The following OPCML variants were observed in gnomAD, a reference collection of about 807,000 sequenced individuals.
The protein encoded by OPCML is opioid-binding protein/cell adhesion molecule.
In OPCML, 13 loss-of-function variants were observed where a neutral mutation model predicts 37.8. The ratio of observed to expected loss-of-function variants is 0.34; its 90% CI spans 0.22 to 0.55. OPCML has a LOEUF of 0.55. Ranked by LOEUF, OPCML falls within the 20% of genes least tolerant of loss-of-function variation. OPCML has a pLI of 0.91. For synonymous variants in OPCML, 176 were observed against 168.8 expected (o/e 1.04, Z -0.33); for missense variants, 341 against 435.6 (o/e 0.78, Z 1.93).
chr11:133,246,308 G>A (rs909145392), intron 1 of OPCML, among the ~76,000 whole-genome samples: 6 of 152,170 alleles, frequency 3.9e-5, no homozygotes, highest in African/African-American at 1.4e-4. Flanking sequence ...CAGTGGAGAG[G>A]TAGAGAAACA....
chr11:133,424,660 C>A (rs944263046), intron 1 of OPCML, among the ~76,000 whole-genome samples: 1 of 152,088 alleles, frequency 6.6e-6, no homozygotes, highest in Non-Finnish European at 1.5e-5. Flanking sequence ...TCTAAAAATG[C>A]CGTGATAAAC....
At chr11:132,561,517 TCAGGGCCTGGTC>T (rs2096410748) in intron 3 of OPCML, among the ~76,000 whole-genome samples, 1 of 152,202 alleles carries the variant, frequency 6.6e-6, no homozygotes. Flanking sequence ...TGTGGTCTTT[TCAGGGCCTGGTC>T]CAGGGCCTGG....
At chr11:132,907,398 C>A (rs763519089) in intron 2 of OPCML, among the ~76,000 whole-genome samples, 1 of 151,996 alleles carries the variant, frequency 6.6e-6, no homozygotes, top group African/African-American at 2.4e-5. Flanking sequence ...TTTGGGAGGC[C>A]GAAGCTGGTG....
At chr11:133,014,092 G>A (rs1251456481) in intron 1 of OPCML, among the ~76,000 whole-genome samples, 1 of 152,206 alleles carries the variant, frequency 6.6e-6, no homozygotes, top group Admixed American at 6.5e-5. Flanking sequence ...GACTCCACAT[G>A]AACAAGCTTT....
intron 1 of OPCML, among the ~76,000 whole-genome samples, chr11:133,210,504 A>C (rs1939308784): frequency 6.6e-6 from 1 of 151,992 alleles, no homozygotes; most frequent in Non-Finnish European, 1.5e-5. Context: ...TGTTACAAAA[A>C]CTTATATGTA....
At chr11:133,460,716 A>G (rs1399467281) in intron 1 of OPCML, among the ~76,000 whole-genome samples, 1 of 151,930 alleles carries the variant, frequency 6.6e-6, no homozygotes, top group Non-Finnish European at 1.5e-5. Context: ...CACGACAAAT[A>G]AAAAACTAGG....
chr11:132,890,369 A>C (rs770587876), intron 2 of OPCML, among the ~76,000 whole-genome samples: 10 of 152,322 alleles, frequency 6.6e-5, no homozygotes, highest in Admixed American at 6.5e-4. Flanking sequence ...CTTTAATTTT[A>C]CTTCAACAAG....
At chr11:132,670,875 A>G (rs932684710) in intron 2 of OPCML, among the ~76,000 whole-genome samples, 23 of 149,624 alleles carry the variant, frequency 1.5e-4, no homozygotes, top group African/African-American at 5.7e-4. Context: ...CCTAGTGTTC[A>G]TCTCTCCATC....
At chr11:133,270,380 A>T (rs562977731) in intron 1 of OPCML, among the ~76,000 whole-genome samples, 1 of 152,084 alleles carries the variant, frequency 6.6e-6, no homozygotes, top group Admixed American at 6.6e-5. Context: ...AAAAAAAACC[A>T]TCTCTTTGTT....
intron 2 of OPCML, among the ~76,000 whole-genome samples, chr11:132,747,698 C>A (rs1945681508): frequency 6.6e-6 from 1 of 152,150 alleles, no homozygotes; most frequent in Non-Finnish European, 1.5e-5. Flanking sequence ...GAAGACGGAA[C>A]TCAGAAGGGA....
rs184612798 is a variant in OPCML, at chr11:132,974,919, G to A, written c.62-31909C>T. On this transcript the variant is annotated intron_variant, in intron 1 of 7. Transcript: ENST00000524381. ...TCAAGGCTCTGTTTAAGGCCCTCTC[G>A]TCTGTTTACTCTATACTTTCTCCAG... Among the ~76,000 whole-genome samples the A allele has an allele frequency of 1.0e-2, 1,508 of 151,368 alleles. 18 individuals are homozygous for A. Among genetic ancestry groups the A allele is most frequent in the Non-Finnish European group, 0.018 (1,225 of 67,884 alleles).
At chr11:132,804,411 G>A (rs1938873385) in intron 2 of OPCML, among the ~76,000 whole-genome samples, 2 of 152,178 alleles carry the variant, frequency 1.3e-5, no homozygotes, top group Admixed American at 1.3e-4. Context: ...AAGATGCTCT[G>A]GGAGGCCCCT....
chr11:133,508,328 C>T (rs1311123090), intron 1 of OPCML, among the ~76,000 whole-genome samples: 1 of 152,232 alleles, frequency 6.6e-6, no homozygotes, highest in African/African-American at 2.4e-5. Flanking sequence ...TTCCATACTG[C>T]TGGTCTAGGA....
rs1376343753 is a variant in OPCML, at chr11:132,687,413, T to C, written c.147-30094A>G. ...ATATATATATATATATATATATATA[T>C]ATATATATATATATATTTAATCTGT... On this transcript the variant is annotated intron_variant, in intron 2 of 7. Coordinates refer to ENST00000524381, the MANE Select transcript of OPCML (RefSeq NM_001012393.5). Among the ~76,000 whole-genome samples the C allele has an allele frequency of 2.6e-3, 243 of 93,144 alleles. 7 individuals are homozygous for C. The highest frequency in any genetic ancestry group is 0.013 in the African/African-American group (221 of 17,236). The allele number at this position is 93,144 out of a possible 152,430, so 61.1% of individuals were successfully genotyped here.
intron 1 of OPCML, among the ~76,000 whole-genome samples, chr11:133,429,607 A>T (rs1255638383): frequency 1.3e-5 from 2 of 152,192 alleles, no homozygotes; most frequent in Non-Finnish European, 2.9e-5. Flanking sequence ...AGCAGTGCAG[A>T]TGGTATGGAA....
At chr11:133,099,380 A>G (rs1949052371) in intron 1 of OPCML, among the ~76,000 whole-genome samples, 3 of 151,342 alleles carry the variant, frequency 2.0e-5, no homozygotes, top group Non-Finnish European at 2.9e-5. Context: ...CTCCTGCCTC[A>G]GCCTCCTGAG....
intron 2 of OPCML, among the ~76,000 whole-genome samples, chr11:132,787,877 T>C (rs1947272664): frequency 2.0e-5 from 3 of 152,190 alleles, no homozygotes; most frequent in South Asian, 4.1e-4. Flanking sequence ...TTCCAGTTAA[T>C]GATTTTTTGT....
intron 1 of OPCML, among the ~76,000 whole-genome samples, chr11:132,998,680 G>T (rs1393789167): frequency 2.6e-5 from 4 of 152,290 alleles, no homozygotes; most frequent in African/African-American, 9.6e-5. Flanking sequence ...GGTGAAGGTG[G>T]GGGCTCTTGG....
intron 1 of OPCML, among the ~76,000 whole-genome samples, chr11:133,319,391 T>G (rs1040633596): frequency 1.3e-5 from 2 of 152,146 alleles, no homozygotes; most frequent in African/African-American, 4.8e-5. Context: ...AAGTCTCCCT[T>G]ATGAGACAGT....
Sources: gnomAD v4.1 joint callset for allele counts (sites outside exome capture counted in the v4.1 genomes callset) on GRCh38, gnomAD v4.1.1 for gene constraint, MANE v1.5 for transcripts, NCBI Gene and HGNC (gene_info 2026-07-23, HGNC 2026-07-21) for gene names.